Variants in RSF1 observed in about 807,000 individuals in gnomAD.
RSF1 encodes the protein remodeling and spacing factor 1.
RSF1 carries 13 observed loss-of-function variants against 145.2 expected under a neutral mutation model. The ratio of observed to expected loss-of-function variants is 0.09; its 90% CI spans 0.06 to 0.14. The LOEUF (loss-of-function observed/expected upper bound fraction) is 0.14, where lower values mean the gene tolerates loss of function less well. RSF1 is among the 10% of genes least tolerant of loss of function. The probability of loss-of-function intolerance (pLI) is 1.00; values close to 1 mark genes in which losing one functional copy is unlikely to be tolerated. For synonymous variants in RSF1, 577 were observed against 592.6 expected (o/e 0.97, Z 0.38); for missense variants, 1,517 against 1,718.2 (o/e 0.88, Z 2.07).
At chr11:77,691,050 C>A in intron 9 of RSF1, 109 bp downstream of exon 9, 2 of 1,007,470 alleles carry the variant, frequency 2.0e-6, no homozygotes, top group Non-Finnish European at 2.9e-6. Flanking sequence ...ATTTGGCCCA[C>A]AGGCCACAGT....
intron 9 of RSF1, 94 bp downstream of exon 9, chr11:77,691,065 C>A: frequency 8.0e-7 from 1 of 1,254,782 alleles, no homozygotes; most frequent in Non-Finnish European, 1.2e-6. Context: ...CACAGTATGC[C>A]AATCCTTGTT....
intron 2 of RSF1, among the ~76,000 whole-genome samples, chr11:77,753,611 T>G (rs977874228): frequency 6.6e-6 from 1 of 151,544 alleles, no homozygotes; most frequent in Non-Finnish European, 1.5e-5. Flanking sequence ...ACATCAGCTA[T>G]CATTCATGTT....
At chr11:77,825,044 G>A (rs1021621754), upstream of RSF1, among the ~76,000 whole-genome samples, 2 of 151,984 alleles carry the variant, frequency 1.3e-5, no homozygotes, top group Admixed American at 6.6e-5. Context: ...GCAGTGACGC[G>A]ATCTCAGCTC....
intron 4 of RSF1, among the ~76,000 whole-genome samples, chr11:77,730,916 G>A (rs1305619623): frequency 1.3e-5 from 2 of 152,150 alleles, no homozygotes; most frequent in Non-Finnish European, 2.9e-5. Context: ...GCCAAGTCTT[G>A]TCTTTATCAG....
At chr11:77,671,169 A>G (rs1405781122) in intron 15 of RSF1, among the ~76,000 whole-genome samples, 3 of 99,080 alleles carry the variant, frequency 3.0e-5, no homozygotes, top group Non-Finnish European at 1.9e-5. Context: ...ATATATATAT[A>G]TATATATATT....
intron 1 of RSF1, among the ~76,000 whole-genome samples, chr11:77,798,201 A>T (rs929935556): frequency 2.0e-5 from 3 of 152,210 alleles, no homozygotes; most frequent in Non-Finnish European, 2.9e-5. Flanking sequence ...ATAAAGACAC[A>T]TGAACACGTA....
At chr11:77,685,768 A>C (rs182730136) in intron 9 of RSF1, among the ~76,000 whole-genome samples, 20 of 152,216 alleles carry the variant, frequency 1.3e-4, no homozygotes, top group Non-Finnish European at 2.6e-4. Flanking sequence ...TGACAAGTTG[A>C]TAAGATTAGA....
chr11:77,746,868 C>A (rs1430790875), intron 3 of RSF1, among the ~76,000 whole-genome samples, 168 bp downstream of exon 3: 1 of 152,114 alleles, frequency 6.6e-6, no homozygotes, highest in Non-Finnish European at 1.5e-5. Flanking sequence ...TATATTTATG[C>A]ATCAAAAAAC....
intron 5 of RSF1, among the ~76,000 whole-genome samples, chr11:77,718,651 A>G (rs188523571): frequency 7.9e-4 from 121 of 152,316 alleles, no homozygotes; most frequent in African/African-American, 2.7e-3. Flanking sequence ...TGGTGCTCTT[A>G]TAAGATCAGA....
chr11:77,858,144 G>A, the RSF1 span, among the ~76,000 whole-genome samples: 2 of 150,428 alleles, frequency 1.3e-5, no homozygotes, highest in Non-Finnish European at 3.0e-5. Context: ...TCAGCCTCCT[G>A]AGTAGCTGAG....
At chr11:77,860,396 G>C in the RSF1 span, among the ~76,000 whole-genome samples, 1 of 152,212 alleles carries the variant, frequency 6.6e-6, no homozygotes, top group African/African-American at 2.4e-5. Context: ...AGTGTGGGCT[G>C]GGTACATTCC....
chr11:77,780,053 A>T (rs1237928888), intron 1 of RSF1, among the ~76,000 whole-genome samples: 1 of 152,174 alleles, frequency 6.6e-6, no homozygotes, highest in Non-Finnish European at 1.5e-5. Context: ...TTCCCAAATG[A>T]TCCTAACTTG....
intron 1 of RSF1, among the ~76,000 whole-genome samples, chr11:77,771,206 G>A (rs986390872): frequency 6.6e-6 from 1 of 152,172 alleles, no homozygotes; most frequent in Non-Finnish European, 1.5e-5. Context: ...TCTCTGCCCA[G>A]TAATTTCAAA....
In RSF1 at chr11:77,663,324, T is replaced by C. The variant is rs1160503715; in HGVS notation, c.*3593A>G. 6.6e-6 allele frequency: 1 copy of C among 152,202 alleles called. No homozygotes were observed. Among genetic ancestry groups the C allele is most frequent in the Non-Finnish European group, 1.5e-5 (1 of 68,028 alleles). The allele number at this position is 152,202 out of a possible 1,614,324, so 9.4% of individuals were successfully genotyped here. On this transcript the variant is annotated 3_prime_UTR_variant, in exon 16 of 16. Transcript: ENST00000308488. The stretch of plus-strand genomic sequence containing the variant: ...GCTAACATTTCCTCATCATTTTGAC[T>C]ATTAAACAAGTAAATGTCCATGTTT...
intron 1 of RSF1, among the ~76,000 whole-genome samples, chr11:77,795,474 T>A (rs1282356914): frequency 6.6e-6 from 1 of 152,092 alleles, no homozygotes; most frequent in African/African-American, 2.4e-5. Context: ...AAAAATATAT[T>A]ACAAGCTACA....
At chr11:77,795,211 T>C (rs1948560491) in intron 1 of RSF1, among the ~76,000 whole-genome samples, 1 of 151,824 alleles carries the variant, frequency 6.6e-6, no homozygotes, top group African/African-American at 2.4e-5. Context: ...CAAAAACAAA[T>C]GGAAAGACAT....
chr11:77,751,229 T>C (rs1221345600), intron 2 of RSF1, among the ~76,000 whole-genome samples: 1 of 152,196 alleles, frequency 6.6e-6, no homozygotes, highest in Admixed American at 6.5e-5. Flanking sequence ...TTATTTATCT[T>C]GGATTTACAT....
intron 5 of RSF1, among the ~76,000 whole-genome samples, chr11:77,705,852 C>A (rs1190288854): frequency 1.3e-5 from 2 of 149,704 alleles, no homozygotes; most frequent in South Asian, 4.2e-4. Context: ...GACCCTGTCT[C>A]AAAAAAAAAC....
intron 9 of RSF1, among the ~76,000 whole-genome samples, chr11:77,689,625 C>A (rs944166629): frequency 6.6e-6 from 1 of 152,126 alleles, no homozygotes; most frequent in Non-Finnish European, 1.5e-5. Context: ...TGGTTCTGTA[C>A]TATATTATTG....
Sources: gnomAD v4.1 joint callset for allele counts (sites outside exome capture counted in the v4.1 genomes callset) on GRCh38, gnomAD v4.1.1 for gene constraint, MANE v1.5 for transcripts, NCBI Gene and HGNC (gene_info 2026-07-23, HGNC 2026-07-21) for gene names.